Variants in ARMH3 observed in about 807,000 individuals in gnomAD.
ARMH3 encodes armadillo like helical domain containing 3, also known as armadillo-like helical domain-containing protein 3.
Under a neutral mutation model 99.1 loss-of-function variants are expected in ARMH3, and 60 were observed. The ratio of observed to expected loss-of-function variants is 0.61; its 90% CI spans 0.49 to 0.75. The LOEUF is 0.75. Ranked by LOEUF, ARMH3 falls within the 30% of genes least tolerant of loss-of-function variation. The pLI is 0.00. For missense variants in ARMH3, 679 were observed against 843.1 expected, an observed-to-expected ratio of 0.81 and a Z score of 2.41; for synonymous variants, 285 against 292.8, an observed-to-expected ratio of 0.97 and a Z score of 0.27.
chr10:101,891,995 C>T (rs1012908029), intron 23 of ARMH3, among the ~76,000 whole-genome samples: 5 of 150,356 alleles, frequency 3.3e-5, no homozygotes, highest in African/African-American at 1.2e-4. Context: ...ACTTGTGGTC[C>T]CAGCTACTTG....
At chr10:102,012,757 A>G (rs1291402056) in intron 10 of ARMH3, 76 bp downstream of exon 10, 2 of 1,419,476 alleles carry the variant, frequency 1.4e-6, no homozygotes, top group African/African-American at 2.8e-5. Flanking sequence ...AATTTGACCC[A>G]AGAACTCTAA....
rs566417014 is a variant in ARMH3 at position 101,960,446 on chromosome 10, A to G, written c.1496-2714T>C. Among the ~76,000 whole-genome samples, 4 of 152,322 alleles carry G rather than the reference A, an allele frequency of 2.6e-5. No homozygotes were observed. In the South Asian group the frequency reaches 8.3e-4, roughly 32 times the overall value. ...TTGACATAGCTGATTATAGATTTTT[A>G]GAGCTAGAAAATGCCTTAGGTCATT... On this transcript the variant is annotated intron_variant, in intron 20 of 25. Coordinates refer to ENST00000370033, the MANE Select transcript of ARMH3 (RefSeq NM_024541.3).
intron 5 of ARMH3, among the ~76,000 whole-genome samples, chr10:102,026,008 A>T (rs76181212): frequency 6.6e-6 from 1 of 152,178 alleles, no homozygotes; most frequent in Non-Finnish European, 1.5e-5. Flanking sequence ...AATGAAAAAG[A>T]AACAGTATCA....
intron 23 of ARMH3, among the ~76,000 whole-genome samples, chr10:101,923,256 T>C (rs1473434396): frequency 1.3e-5 from 2 of 152,234 alleles, no homozygotes; most frequent in African/African-American, 4.8e-5. Flanking sequence ...TGCTTATTAT[T>C]ATCTTCCACT....
At position 101,887,966 on chromosome 10, in the gene ARMH3, C is replaced by A. The variant is rs138611786; in HGVS notation, c.1860+1446G>T. 1.7e-3 allele frequency among the ~76,000 whole-genome samples: 252 copies of A among 151,496 alleles called. 1 individual carries two copies. Among genetic ancestry groups the A allele is most frequent in the African/African-American group, 5.7e-3 (233 of 41,234 alleles). On this transcript the variant is annotated intron_variant, in intron 24 of 25. Coordinates refer to ENST00000370033, the MANE Select transcript of ARMH3 (RefSeq NM_024541.3). ...GCCAGAAAGGATTTTTATTATTGGTCTGTGGCAGCTACTGCTGGAGAAAGA... is the reference window on the plus strand; with the variant it reads ...GCCAGAAAGGATTTTTATTATTGGTATGTGGCAGCTACTGCTGGAGAAAGA...
rs190056118 is a variant in ARMH3 at position 102,020,183 on chromosome 10, T to C, written c.669+3294A>G. On this transcript the variant is annotated intron_variant, in intron 8 of 25. Transcript: ENST00000370033. ...AAACAGTTACAGTAAGTTAATTTAC[T>C]ATTGAAGAAAGAAAAAATTTAATAA... Among the ~76,000 whole-genome samples, 867 of 152,230 alleles carry C rather than the reference T, an allele frequency of 5.7e-3. 9 individuals are homozygous for C. Among genetic ancestry groups the C allele is most frequent in the Non-Finnish European group, 6.6e-3 (446 of 68,020 alleles).
chr10:101,891,876 A>G (rs2067700181), intron 23 of ARMH3, among the ~76,000 whole-genome samples: 1 of 152,182 alleles, frequency 6.6e-6, no homozygotes, highest in African/African-American at 2.4e-5. Flanking sequence ...TGAGAGGCTA[A>G]GGTGAGCGGA....
intron 24 of ARMH3, among the ~76,000 whole-genome samples, chr10:101,860,177 C>A (rs1470436426): frequency 6.6e-6 from 1 of 152,108 alleles, no homozygotes; most frequent in Non-Finnish European, 1.5e-5. Flanking sequence ...CCATTTGAGA[C>A]TTCCCTCTGT....
intron 23 of ARMH3, among the ~76,000 whole-genome samples, chr10:101,922,335 T>A (rs1843338479): frequency 6.6e-6 from 1 of 152,210 alleles, no homozygotes. Flanking sequence ...CTCGATCTCC[T>A]GGGCTCAAGT....
chr10:101,855,358 C>G (rs541474109), intron 24 of ARMH3, among the ~76,000 whole-genome samples: 2 of 151,192 alleles, frequency 1.3e-5, no homozygotes, highest in East Asian at 4.1e-4. Context: ...TGAGCCACCA[C>G]GCCCAGCTAT....
At chr10:101,928,709 A>T (rs898900799) in intron 23 of ARMH3, among the ~76,000 whole-genome samples, 2 of 151,976 alleles carry the variant, frequency 1.3e-5, no homozygotes, top group Non-Finnish European at 2.9e-5. Flanking sequence ...ATACAATAAG[A>T]TATTTTGTTG....
At chr10:101,975,049 T>TAAAAAAAAAAAAAAAAA (rs11399489) in intron 20 of ARMH3, among the ~76,000 whole-genome samples, 163 bp downstream of exon 20, 52 of 29,636 alleles carry the variant, frequency 1.8e-3, no homozygotes, top group East Asian at 7.3e-3. Flanking sequence ...AGCTAAAACG[T>TAAAAAAAAAAAAAAAAA]AAAAAAAAAA....
intron 24 of ARMH3, among the ~76,000 whole-genome samples, chr10:101,881,329 G>T (rs1373017432): frequency 1.3e-5 from 2 of 152,066 alleles, no homozygotes; most frequent in African/African-American, 4.8e-5. Context: ...AAGCTCCTGG[G>T]TCACTTGGTT....
intron 22 of ARMH3, among the ~76,000 whole-genome samples, chr10:101,953,462 T>C (rs1438933170): frequency 1.3e-5 from 2 of 151,816 alleles, no homozygotes; most frequent in Non-Finnish European, 2.9e-5. Context: ...GGTTTCACCA[T>C]GTTAGCCAAG....
chr10:101,933,104 T>C (rs1354089115), intron 23 of ARMH3, among the ~76,000 whole-genome samples: 1 of 152,164 alleles, frequency 6.6e-6, no homozygotes, highest in African/African-American at 2.4e-5. Context: ...GAGAATGGCG[T>C]GAACCCAGGA....
chr10:102,003,005 A>AAAG (rs2066401981), intron 14 of ARMH3, among the ~76,000 whole-genome samples: 1 of 151,736 alleles, frequency 6.6e-6, no homozygotes, highest in Non-Finnish European at 1.5e-5. Flanking sequence ...ATAAATAAAA[A>AAAG]CAGATGAACA....
chr10:101,950,692 A>G (rs1031914648), intron 22 of ARMH3, among the ~76,000 whole-genome samples: 2 of 152,260 alleles, frequency 1.3e-5, no homozygotes, highest in Non-Finnish European at 2.9e-5. Context: ...AAAAGAAGCC[A>G]GTCACAAGAG....
At chr10:102,033,739 T>C (rs570226841) in intron 2 of ARMH3, among the ~76,000 whole-genome samples, 3 of 152,292 alleles carry the variant, frequency 2.0e-5, no homozygotes, top group Admixed American at 6.5e-5. Flanking sequence ...AAAATTAACT[T>C]TGAAAATTCT....
chr10:101,912,607 CT>C (rs1564745558), intron 23 of ARMH3, among the ~76,000 whole-genome samples: 1 of 152,118 alleles, frequency 6.6e-6, no homozygotes, highest in Non-Finnish European at 1.5e-5. Flanking sequence ...AATCATGTTG[CT>C]GCAAGTAAAG....
Sources: allele counts gnomAD v4.1 joint callset (sites outside exome capture counted in the v4.1 genomes callset), GRCh38; gene constraint gnomAD v4.1.1; transcripts MANE v1.5; gene names NCBI Gene and HGNC (gene_info 2026-07-23, HGNC 2026-07-21).